The following SAMMSON variants were observed in gnomAD, a reference collection of about 807,000 sequenced individuals.
The protein encoded by SAMMSON is survival associated mitochondrial melanoma specific oncogenic non-coding RNA.
At chr3:70,300,395 A>G (rs895992921) in intron 7 of SAMMSON, among the ~76,000 whole-genome samples, 1 of 152,060 alleles carries the variant, frequency 6.6e-6, no homozygotes, top group Non-Finnish European at 1.5e-5. Context: ...TGATTCTCTC[A>G]TTTAAACTAC....
chr3:70,343,564 C>T (rs1702728005), intron 7 of SAMMSON, among the ~76,000 whole-genome samples: 1 of 152,144 alleles, frequency 6.6e-6, no homozygotes, highest in Non-Finnish European at 1.5e-5. Flanking sequence ...TGTGATTCTT[C>T]TCACATTATA....
At chr3:70,290,141 T>C (rs1213565790) in intron 6 of SAMMSON, among the ~76,000 whole-genome samples, 1 of 152,082 alleles carries the variant, frequency 6.6e-6, no homozygotes, top group African/African-American at 2.4e-5. Flanking sequence ...GCGCTCTGCT[T>C]TTTAGAGTTT....
chr3:70,157,730 G>A (rs1339066396), intron 4 of SAMMSON, among the ~76,000 whole-genome samples: 3 of 152,028 alleles, frequency 2.0e-5, no homozygotes, highest in African/African-American at 7.2e-5. Context: ...TTTACTCTAC[G>A]CCTAGCATTT....
At chr3:70,087,102 G>A (rs578174183) in intron 4 of SAMMSON, among the ~76,000 whole-genome samples, 1 of 152,224 alleles carries the variant, frequency 6.6e-6, no homozygotes, top group African/African-American at 2.4e-5. Flanking sequence ...CTTTCTCCAG[G>A]AGGACACTGA....
chr3:70,036,427 TCAGATGAAGG>T (rs1275435699), intron 3 of SAMMSON, among the ~76,000 whole-genome samples: 1 of 152,182 alleles, frequency 6.6e-6, no homozygotes, highest in African/African-American at 2.4e-5. Context: ...GATATCACTC[TCAGATGAAGG>T]CTTTTGTTCT....
At chr3:70,206,668 G>GT in intron 4 of SAMMSON, 1 of 397,894 alleles carries the variant, frequency 2.5e-6, no homozygotes, top group South Asian at 1.3e-4. Flanking sequence ...GATTCTGACA[G>GT]TTTTTTCTCA....
chr3:70,043,791 A>G (rs1020888818), intron 3 of SAMMSON, among the ~76,000 whole-genome samples: 4 of 152,116 alleles, frequency 2.6e-5, no homozygotes, highest in African/African-American at 9.7e-5. Flanking sequence ...GGGGCCAACT[A>G]AAGATGCATT....
intron 4 of SAMMSON, among the ~76,000 whole-genome samples, chr3:70,145,319 G>T (rs2067543963): frequency 6.6e-6 from 1 of 152,102 alleles, no homozygotes; most frequent in South Asian, 2.1e-4. Flanking sequence ...AATCAGTAAG[G>T]CTGCAGAACT....
chr3:70,039,593 T>TCACACACACA (rs56058406), intron 3 of SAMMSON, among the ~76,000 whole-genome samples: 7 of 135,612 alleles, frequency 5.2e-5, no homozygotes, highest in South Asian at 5.4e-4. Context: ...ACACATCTCT[T>TCACACACACA]CACACACACA....
Position 70,166,502 on chromosome 3 carries a change from T to A in SAMMSON, n.508-82605T>A, listed in dbSNP as rs145151669. Among the ~76,000 whole-genome samples the A allele has an allele frequency of 1.8e-3, 272 of 152,088 alleles. 1 individual carries two copies. The South Asian group carries it at 0.021, about 12-fold the overall frequency. On this transcript the variant is annotated intron_variant and non_coding_transcript_variant, in intron 4 of 9. Coordinates refer to ENST00000642114, the Ensembl canonical transcript of SAMMSON. ...CAAAAAGAACAAGATAACACAATAG[T>A]TTATAAACCATTTACAGCACCCGTA...
intron 6 of SAMMSON, among the ~76,000 whole-genome samples, chr3:70,254,163 G>A (rs912487026): frequency 2.7e-5 from 4 of 150,160 alleles, no homozygotes; most frequent in Non-Finnish European, 5.9e-5. Context: ...AAAAAAAATT[G>A]TATGCTAACT....
intron 4 of SAMMSON, among the ~76,000 whole-genome samples, chr3:70,119,703 T>A (rs181102436): frequency 2.6e-5 from 4 of 152,240 alleles, no homozygotes; most frequent in Admixed American, 2.6e-4. Context: ...CATTAAAAGA[T>A]TCCTCATAGT....
At chr3:70,242,393 TC>T (rs1381814725) in intron 4 of SAMMSON, among the ~76,000 whole-genome samples, 14 of 151,062 alleles carry the variant, frequency 9.3e-5, no homozygotes, top group Non-Finnish European at 1.9e-4. Flanking sequence ...GTGGAAAATT[TC>T]TTTTTGTAGA....
At chr3:70,063,673 C>G (rs921804179) in intron 3 of SAMMSON, among the ~76,000 whole-genome samples, 2 of 152,090 alleles carry the variant, frequency 1.3e-5, no homozygotes, top group African/African-American at 2.4e-5. Context: ...GTTTCCTTCC[C>G]CCAGAAACTC....
chr3:70,295,529 C>G (rs1702281560), intron 7 of SAMMSON, among the ~76,000 whole-genome samples: 1 of 151,920 alleles, frequency 6.6e-6, no homozygotes, highest in South Asian at 2.1e-4. Context: ...ATAGTGAGAT[C>G]CCGTCTCTAC....
chr3:70,361,744 G>A (rs550902508), intron 9 of SAMMSON, among the ~76,000 whole-genome samples: 76 of 152,254 alleles, frequency 5.0e-4, no homozygotes, highest in Admixed American at 2.8e-3. Flanking sequence ...ATGCTGTCAC[G>A]TTTCAAACTG....
intron 4 of SAMMSON, among the ~76,000 whole-genome samples, chr3:70,173,304 G>T (rs899963117): frequency 6.6e-6 from 1 of 151,790 alleles, no homozygotes; most frequent in African/African-American, 2.4e-5. Context: ...AGGACCCGTG[G>T]GATGTGCTGC....
intron 4 of SAMMSON, among the ~76,000 whole-genome samples, chr3:70,187,449 T>TG (rs1315053167): frequency 2.1e-5 from 3 of 141,630 alleles, no homozygotes; most frequent in Admixed American, 7.0e-5. Context: ...TTTTTTTTTT[T>TG]TTTTTTGAGA....
intron 6 of SAMMSON, among the ~76,000 whole-genome samples, chr3:70,253,727 A>C (rs773386582): frequency 5.9e-5 from 9 of 152,354 alleles, no homozygotes; most frequent in Non-Finnish European, 1.2e-4. Context: ...CAACTCTAAA[A>C]AAAGTAAAAA....
Sources: allele counts gnomAD v4.1 joint callset (sites outside exome capture counted in the v4.1 genomes callset), GRCh38; gene constraint gnomAD v4.1.1; transcripts MANE v1.5; gene names NCBI Gene and HGNC (gene_info 2026-07-23, HGNC 2026-07-21).